The following CNOT4 variants were observed in gnomAD, a reference collection of about 807,000 sequenced individuals.
CNOT4 encodes the protein CCR4-NOT transcription complex subunit 4, also known as CCR4-associated factor 4.
Under a neutral mutation model 73.8 loss-of-function variants are expected in CNOT4, and 8 were observed. The ratio of observed to expected loss-of-function variants is 0.11; its 90% CI spans 0.06 to 0.20. The LOEUF (loss-of-function observed/expected upper bound fraction) is 0.20, where lower values mean the gene tolerates loss of function less well. CNOT4 is among the 10% of genes least tolerant of loss of function. The probability of loss-of-function intolerance (pLI) is 1.00; values close to 1 mark genes in which losing one functional copy is unlikely to be tolerated. For synonymous variants in CNOT4, 293 were observed against 321.1 expected (o/e 0.91, Z 0.94); for missense variants, 564 against 883.4 (o/e 0.64, Z 4.58).
At chr7:135,384,827 TTTG>T in intron 10 of CNOT4, 1 of 713,954 alleles carries the variant, frequency 1.4e-6, no homozygotes, top group Non-Finnish European at 2.6e-6. Flanking sequence ...TCTCTTCAAC[TTTG>T]TTGTCAAATG....
chr7:135,411,778 C>A (rs1797600761), intron 6 of CNOT4, among the ~76,000 whole-genome samples: 1 of 151,882 alleles, frequency 6.6e-6, no homozygotes, highest in Non-Finnish European at 1.5e-5. Flanking sequence ...AGGGCAATTG[C>A]ACTTAACTGA....
At chr7:135,495,694 GAAAGAAAGAAAGAAAGAAAGA>G (rs1803492132) in intron 1 of CNOT4, among the ~76,000 whole-genome samples, 1 of 11,378 alleles carries the variant, frequency 8.8e-5, no homozygotes, top group Non-Finnish European at 1.8e-4. Context: ...AAAAAAAAAA[GAAAGAAAGAAAGAAAGAAAGA>G]AAGAAAGAAA....
At chr7:135,371,431 G>A (rs1795199011) in intron 10 of CNOT4, among the ~76,000 whole-genome samples, 1 of 152,122 alleles carries the variant, frequency 6.6e-6, no homozygotes, top group South Asian at 2.1e-4. Flanking sequence ...TCTACATATA[G>A]GATAAACGGC....
chr7:135,458,022 T>C lies in CNOT4; in HGVS notation c.-92-19599A>G, dbSNP rs997471886. 2.6e-5 allele frequency among the ~76,000 whole-genome samples: 4 copies of C among 152,148 alleles called. 1 individual carries two copies. The highest frequency in any genetic ancestry group is 2.0e-4 in the Admixed American group (3 of 15,266). ...AACCAGTCTCCTGTTACTGAACATT[T>C]GTTTCAAAGTTTTTGCTACTGTAAA... On this transcript the variant is annotated intron_variant, in intron 1 of 11. Transcript: ENST00000541284.
intron 2 of CNOT4, among the ~76,000 whole-genome samples, chr7:135,423,254 A>G (rs1798290385): frequency 6.6e-6 from 1 of 151,952 alleles, no homozygotes; most frequent in Admixed American, 6.6e-5. Context: ...ATGCCATAAT[A>G]TTTTAAACTG....
At chr7:135,468,270 G>C (rs1237234547) in intron 1 of CNOT4, among the ~76,000 whole-genome samples, 2 of 151,872 alleles carry the variant, frequency 1.3e-5, no homozygotes, top group Admixed American at 1.3e-4. Flanking sequence ...TATTATTACA[G>C]ATCACTTGAT....
At chr7:135,502,816 C>CAAAAAAAA (rs56358299) in intron 1 of CNOT4, among the ~76,000 whole-genome samples, 4 of 59,058 alleles carry the variant, frequency 6.8e-5, no homozygotes, top group Non-Finnish European at 9.9e-5. Context: ...AACTCCATCT[C>CAAAAAAAA]AAAAAAAAAA....
chr7:135,386,920 C>T (rs1796148664), intron 10 of CNOT4: 1 of 207,884 alleles, frequency 4.8e-6, no homozygotes, highest in Non-Finnish European at 8.4e-6. Flanking sequence ...GCAAATGGCA[C>T]TAACCACTTG....
At chr7:135,365,804 C>T (rs1794880333) in intron 10 of CNOT4, among the ~76,000 whole-genome samples, 1 of 152,110 alleles carries the variant, frequency 6.6e-6, no homozygotes, top group Admixed American at 6.5e-5. Flanking sequence ...CTGGACTTTG[C>T]GGCCAGGAGA....
intron 1 of CNOT4, among the ~76,000 whole-genome samples, chr7:135,497,365 C>T (rs758477502): frequency 1.3e-5 from 2 of 151,962 alleles, no homozygotes; most frequent in Non-Finnish European, 1.5e-5. Flanking sequence ...GCCAAGATTG[C>T]GCCACTGCAC....
chr7:135,428,627 A>G (rs893747775), intron 2 of CNOT4, among the ~76,000 whole-genome samples: 2 of 152,204 alleles, frequency 1.3e-5, no homozygotes, highest in African/African-American at 4.8e-5. Context: ...CTATTCGCAC[A>G]TGAGGACAGG....
chr7:135,422,913 T>C (rs1798269921), intron 2 of CNOT4, among the ~76,000 whole-genome samples: 1 of 152,182 alleles, frequency 6.6e-6, no homozygotes, highest in Non-Finnish European at 1.5e-5. Context: ...TTTTCATTCC[T>C]ACTACTAATG....
At chr7:135,405,754 T>C (rs1044451661) in intron 7 of CNOT4, among the ~76,000 whole-genome samples, 3 of 152,180 alleles carry the variant, frequency 2.0e-5, no homozygotes. Flanking sequence ...CTAACATATA[T>C]GTGCATCGGG....
chr7:135,387,080 T>A (rs1796157361), intron 10 of CNOT4: 4 of 984,526 alleles, frequency 4.1e-6, no homozygotes, highest in Admixed American at 6.2e-5. Context: ...ATAAGTGAAG[T>A]CTTGGCCTCT....
At chr7:135,430,051 C>T (rs1312471550) in intron 2 of CNOT4, among the ~76,000 whole-genome samples, 4 of 152,038 alleles carry the variant, frequency 2.6e-5, no homozygotes, top group Non-Finnish European at 5.9e-5. Context: ...GTCTTTCCAA[C>T]GAAGATACCT....
chr7:135,485,122 G>A (rs1439962541), intron 1 of CNOT4, among the ~76,000 whole-genome samples: 1 of 152,134 alleles, frequency 6.6e-6, no homozygotes, highest in African/African-American at 2.4e-5. Context: ...CACCAGGCTG[G>A]AGTGCAGTGG....
intron 10 of CNOT4, chr7:135,388,140 G>C: frequency 1.0e-6 from 1 of 984,936 alleles, no homozygotes; most frequent in African/African-American, 1.7e-5. Flanking sequence ...ATTGCATTTA[G>C]GCTACAATAA....
intron 8 of CNOT4, among the ~76,000 whole-genome samples, chr7:135,397,399 G>A (rs528777263): frequency 6.6e-6 from 1 of 152,042 alleles, no homozygotes; most frequent in African/African-American, 2.4e-5. Flanking sequence ...ATGTTAATGG[G>A]CAACTAAAAT....
At chr7:135,424,300 T>G (rs1798370498) in intron 2 of CNOT4, among the ~76,000 whole-genome samples, 1 of 152,198 alleles carries the variant, frequency 6.6e-6, no homozygotes, top group East Asian at 1.9e-4. Context: ...TCTATCTGCC[T>G]GGATGATTTT....
Sources: gnomAD v4.1 joint callset for allele counts (sites outside exome capture counted in the v4.1 genomes callset) on GRCh38, gnomAD v4.1.1 for gene constraint, MANE v1.5 for transcripts, NCBI Gene and HGNC (gene_info 2026-07-23, HGNC 2026-07-21) for gene names.